LRSAM1: variants seen among roughly 807,000 people sequenced by gnomAD.
LRSAM1 encodes the protein E3 ubiquitin-protein ligase LRSAM1.
LRSAM1 carries 96 observed loss-of-function variants against 118.1 expected under a neutral mutation model. The observed-to-expected ratio is 0.81, with a 90% CI of 0.69 to 0.96. The LOEUF (loss-of-function observed/expected upper bound fraction) is 0.96. LRSAM1 is among the 40% of genes least tolerant of loss of function. The pLI, the probability that LRSAM1 is intolerant of heterozygous loss-of-function variation, is 0.00. For missense variants in LRSAM1, 804 were observed against 915.5 expected, an observed-to-expected ratio of 0.88 and a Z score of 1.57; for synonymous variants, 322 against 364.2, an observed-to-expected ratio of 0.88 and a Z score of 1.32.
intron 22 of LRSAM1, 100 bp downstream of exon 22, chr9:127,495,518 C>A: frequency 1.0e-6 from 1 of 983,264 alleles, no homozygotes; most frequent in East Asian, 2.5e-5. Context: ...TGTTACTTTT[C>A]TGGTGACTCT....
intron 18 of LRSAM1, 27 bp from the exon 19 acceptor site, chr9:127,489,417 G>T (rs1588130452): frequency 6.3e-7 from 1 of 1,595,184 alleles, no homozygotes; most frequent in Admixed American, 1.8e-5. Context: ...CACGGCCCCT[G>T]CTGAGGGCTG....
chr9:127,479,777 C>T, intron 13 of LRSAM1, 62 bp from the exon 14 acceptor site: 1 of 1,588,400 alleles, frequency 6.3e-7, no homozygotes, highest in Non-Finnish European at 8.6e-7. Flanking sequence ...TAACCCCAGT[C>T]AGTACCCCTC....
chr9:127,492,857 AAG>A lies in LRSAM1; in HGVS notation c.1563_1564del (p.Lys522AlafsTer19). 1 of 1,614,092 alleles carries A rather than the reference AAG, an allele frequency of 6.2e-7. No individual in the cohort carries two copies. Among genetic ancestry groups the A allele is most frequent in the East Asian group, 2.2e-5 (1 of 44,884 alleles). Reference sequence around the variant, plus strand: ...AGCTCCCTGCTCCAGCAGCTGCTCAAAGAGAAGCAGCAGCGAGAGGAAGAGCT... The same window carrying A: ...AGCTCCCTGCTCCAGCAGCTGCTCAAAGAAGCAGCAGCGAGAGGAAGAGCT... On this transcript the variant is annotated frameshift_variant, in exon 21 of 26. Coordinates refer to ENST00000300417, the MANE Select transcript of LRSAM1 (RefSeq NM_001005373.4). LOFTEE classifies it high-confidence loss of function.
chr9:127,493,477 G>A (rs188138435), intron 21 of LRSAM1, among the ~76,000 whole-genome samples: 9 of 152,242 alleles, frequency 5.9e-5, no homozygotes, highest in Admixed American at 2.6e-4. Flanking sequence ...GCCTGTTTCC[G>A]CACATTCTTT....
chr9:127,462,140 G>A, intron 8 of LRSAM1, 112 bp from the exon 9 acceptor site: 9 of 1,486,420 alleles, frequency 6.1e-6, no homozygotes, highest in Non-Finnish European at 8.3e-6. Context: ...AAACCTCAGA[G>A]CCCAGGATCT....
intron 5 of LRSAM1, 146 bp from the exon 6 acceptor site, chr9:127,457,170 A>G: frequency 1.2e-6 from 1 of 805,968 alleles, no homozygotes; most frequent in Non-Finnish European, 2.1e-6. Context: ...GGGAGAGTTC[A>G]TGATACTGAC....
intron 2 of LRSAM1, among the ~76,000 whole-genome samples, chr9:127,452,586 CATTT>C (rs1282878259): frequency 6.6e-6 from 1 of 152,208 alleles, no homozygotes; most frequent in Non-Finnish European, 1.5e-5. Flanking sequence ...TTGTGGCTAA[CATTT>C]ATTGAGCGCT....
In LRSAM1 at chr9:127,467,783, A is replaced by T; in HGVS notation, c.572A>T (p.Glu191Val). The T allele has an allele frequency of 2.5e-6, 4 of 1,610,620 alleles. No homozygotes were observed. The highest frequency in any genetic ancestry group is 3.4e-6 in the Non-Finnish European group (4 of 1,179,300). ...TCGGCCATGGTCTACCCGCCGCGGG[A>T]GGTGTGTGGTGCCGGCACTGCGGCC... ...DASAMVYPPREVCGAGTAAIL... is the reference protein window; with the variant it reads ...DASAMVYPPRVVCGAGTAAIL... Residue 191 changes from glutamate to valine, a missense_variant, in exon 10 of 26, where the codon GAG (glutamate) becomes GTG (valine). By Grantham distance (121) the Glu-to-Val change is moderately radical. Transcript: ENST00000300417.
At position 127,460,788 on chromosome 9, in the gene LRSAM1, G is replaced by A. The variant is rs1834705447; in HGVS notation, c.322-385G>A. On this transcript the variant is annotated intron_variant, in intron 7 of 25. Transcript: ENST00000300417. ...GCCCTGGCCCGGCAGGGCGAGGGGTGCGGGGGTCATCACTGTGGTCTGTGT... is the reference window on the plus strand; with the variant it reads ...GCCCTGGCCCGGCAGGGCGAGGGGTACGGGGGTCATCACTGTGGTCTGTGT... Among the ~76,000 whole-genome samples, 4 of 152,058 alleles carry A rather than the reference G, an allele frequency of 2.6e-5. No individual in the cohort carries two copies. In the South Asian group the frequency reaches 8.3e-4, roughly 32 times the overall value.
At chr9:127,494,332 T>G (rs940523941) in intron 21 of LRSAM1, among the ~76,000 whole-genome samples, 4 of 152,186 alleles carry the variant, frequency 2.6e-5, no homozygotes, top group Non-Finnish European at 5.9e-5. Flanking sequence ...ATGCCAGCCC[T>G]CACTGAACAG....
chr9:127,468,607 C>T (rs1275625004), intron 10 of LRSAM1, among the ~76,000 whole-genome samples: 1 of 152,024 alleles, frequency 6.6e-6, no homozygotes, highest in Non-Finnish European at 1.5e-5. Context: ...CTGGTTGTCC[C>T]TGTGGAAAAA....
chr9:127,455,545 G>A (rs1177049361), intron 4 of LRSAM1, 31 bp from the exon 5 acceptor site: 29 of 1,612,696 alleles, frequency 1.8e-5, no homozygotes, highest in Non-Finnish European at 2.4e-5. Context: ...GGCAGGAGGG[G>A]AGACACTTAC....
intron 10 of LRSAM1, among the ~76,000 whole-genome samples, chr9:127,469,364 G>A (rs1457408012): frequency 3.3e-5 from 5 of 152,106 alleles, no homozygotes; most frequent in Admixed American, 1.3e-4. Context: ...CAGCTACTCA[G>A]GAGGCTGAGG....
intron 5 of LRSAM1, 150 bp from the exon 6 acceptor site, chr9:127,457,166 G>A: frequency 3.8e-6 from 3 of 784,998 alleles, no homozygotes; most frequent in Middle Eastern, 4.9e-4. Context: ...CATTGGGAGA[G>A]TTCATGATAC....
chr9:127,495,756 C>T (rs1249380096), intron 22 of LRSAM1, among the ~76,000 whole-genome samples: 2 of 152,198 alleles, frequency 1.3e-5, no homozygotes, highest in Non-Finnish European at 2.9e-5. Context: ...AAGTTGCTTA[C>T]TATTTTCAGG....
At chr9:127,490,166 C>T (rs1835883189) in intron 19 of LRSAM1, among the ~76,000 whole-genome samples, 1 of 152,208 alleles carries the variant, frequency 6.6e-6, no homozygotes, top group African/African-American at 2.4e-5. Context: ...CTGAAGTGAG[C>T]GTCAGGCTAT....
At chr9:127,496,865 G>GTGC (rs1324090530) in intron 23 of LRSAM1, among the ~76,000 whole-genome samples, 1 of 152,270 alleles carries the variant, frequency 6.6e-6, no homozygotes, top group Non-Finnish European at 1.5e-5. Context: ...TGGGGCTCGT[G>GTGC]TGCTGCTGCT....
At chr9:127,474,186 C>T (rs1835275500) in intron 11 of LRSAM1, among the ~76,000 whole-genome samples, 1 of 152,146 alleles carries the variant, frequency 6.6e-6, no homozygotes, top group African/African-American at 2.4e-5. Context: ...CATGATCCTT[C>T]CCTCTTCAGG....
At chr9:127,466,493 TA>T (rs1564258591) in intron 9 of LRSAM1, among the ~76,000 whole-genome samples, 675 of 17,988 alleles carry the variant, frequency 0.038, 9 homozygotes, top group Non-Finnish European at 0.069. Flanking sequence ...TATATATATA[TA>T]TATATATATA....
Sources: gnomAD v4.1 joint callset for allele counts (sites outside exome capture counted in the v4.1 genomes callset) on GRCh38, gnomAD v4.1.1 for gene constraint, MANE v1.5 for transcripts, NCBI Gene and HGNC (gene_info 2026-07-23, HGNC 2026-07-21) for gene names.